HEPH: variants seen among roughly 807,000 people sequenced by gnomAD.
HEPH encodes the protein hephaestin.
Under a neutral mutation model 80.8 loss-of-function variants are expected in HEPH, and 69 were observed. The ratio of observed to expected loss-of-function variants is 0.85; its 90% CI spans 0.70 to 1.04. The LOEUF (loss-of-function observed/expected upper bound fraction) is 1.04, where lower values mean the gene tolerates loss of function less well. HEPH is among the 50% of genes least tolerant of loss of function. HEPH has a pLI of 0.00. For synonymous variants in HEPH, 431 were observed against 322.8 expected, an observed-to-expected ratio of 1.34 and a Z score of -3.60; for missense variants, 1,115 against 891.3, an observed-to-expected ratio of 1.25 and a Z score of -3.20.
intron 16 of HEPH, 116 bp from the exon 17 acceptor site, chrX:66,255,989 T>C (rs1191311391): frequency 1.7e-5 from 8 of 475,418 alleles, no homozygotes; most frequent in Non-Finnish European, 2.5e-5. Context: ...TAAGATATCA[T>C]GAGGAAATGC....
intron 13 of HEPH, 23 bp from the exon 14 acceptor site, chrX:66,207,172 T>C (rs2088831053): frequency 1.7e-6 from 2 of 1,196,659 alleles, no homozygotes; most frequent in Admixed American, 2.2e-5. Context: ...CAGGTGCTGA[T>C]AGTACTCTTT....
At chrX:66,263,795 T>C (rs886784398) in intron 20 of HEPH, 107 bp downstream of exon 20, 3 of 733,877 alleles carry the variant, frequency 4.1e-6, no homozygotes, top group Non-Finnish European at 6.1e-6. Flanking sequence ...AGAGTTAGAA[T>C]ACATCAGCAG....
intron 15 of HEPH, among the ~76,000 whole-genome samples, chrX:66,239,428 G>A (rs2090485111): frequency 8.9e-6 from 1 of 111,964 alleles, no homozygotes; most frequent in African/African-American, 3.2e-5. Context: ...TACCTCAGTG[G>A]CATCTGTTCC....
At chrX:66,246,182 T>G (rs1049608449) in intron 15 of HEPH, among the ~76,000 whole-genome samples, 1 of 112,001 alleles carries the variant, frequency 8.9e-6, no homozygotes, top group Non-Finnish European at 1.9e-5. Flanking sequence ...TCTGGGTGTT[T>G]CCTGGGAAAA....
intron 10 of HEPH, 34 bp downstream of exon 10, chrX:66,197,928 T>G: frequency 1.8e-6 from 2 of 1,128,367 alleles, no homozygotes; most frequent in Non-Finnish European, 2.4e-6. Flanking sequence ...GAAAGCCTGC[T>G]GGGAGAAGGA....
chrX:66,232,734 A>G (rs2090201285), intron 15 of HEPH, among the ~76,000 whole-genome samples: 1 of 111,528 alleles, frequency 9.0e-6, no homozygotes. Flanking sequence ...TTTAAAATAT[A>G]TAAAAAATAC....
intron 4 of HEPH, among the ~76,000 whole-genome samples, chrX:66,186,824 A>G (rs1388512601): frequency 9.0e-6 from 1 of 111,730 alleles, no homozygotes; most frequent in Non-Finnish European, 1.9e-5. Flanking sequence ...ATGTTTTCAA[A>G]ACTTTTAGAA....
In HEPH at chrX:66,223,731, A is replaced by AT. The variant is rs111854968; in HGVS notation, c.2563+15493dup. ...AAAACTTGCCAAAACCTTCAAAACA[A>AT]TTTTTTTTAACCTTTTAATGTAGGT... On this transcript the variant is annotated intron_variant, in intron 15 of 20. Transcript: ENST00000343002. 1.3e-4 allele frequency among the ~76,000 whole-genome samples: 15 copies of AT among 111,184 alleles called. No homozygotes were observed. The South Asian group carries it at 3.4e-3, about 25-fold the overall frequency.
intron 7 of HEPH, among the ~76,000 whole-genome samples, chrX:66,192,789 A>G (rs1268254693): frequency 9.0e-6 from 1 of 111,466 alleles, no homozygotes; most frequent in East Asian, 2.8e-4. Context: ...CATTCTTTTG[A>G]AGGAATTTCT....
intron 13 of HEPH, among the ~76,000 whole-genome samples, chrX:66,205,806 G>A (rs770171271): frequency 1.8e-5 from 2 of 110,384 alleles, no homozygotes; most frequent in Admixed American, 1.9e-4. Context: ...TTGCTGAATT[G>A]TTTCAGTTTT....
chrX:66,248,000 T>C (rs1302581888), intron 15 of HEPH, among the ~76,000 whole-genome samples: 1 of 111,752 alleles, frequency 8.9e-6, no homozygotes, highest in Non-Finnish European at 1.9e-5. Context: ...TTTTATCCAG[T>C]TACAAATAAT....
chrX:66,253,688 C>G (rs185078868), intron 15 of HEPH, among the ~76,000 whole-genome samples: 1 of 111,511 alleles, frequency 9.0e-6, no homozygotes, highest in Non-Finnish European at 1.9e-5. Flanking sequence ...TGGAAATGAC[C>G]CAAATGTTCA....
intron 4 of HEPH, among the ~76,000 whole-genome samples, chrX:66,175,926 G>A (rs1398311894): frequency 2.7e-5 from 3 of 111,265 alleles, no homozygotes; most frequent in African/African-American, 9.8e-5. Flanking sequence ...GGAGTCTTTA[G>A]GGTTTTCAAG....
intron 9 of HEPH, among the ~76,000 whole-genome samples, chrX:66,196,891 G>A (rs1158532560): frequency 9.6e-6 from 1 of 104,612 alleles, no homozygotes. Context: ...CTACATTTTG[G>A]TGTACTTTTT....
At chrX:66,166,304 C>T (rs1353319241) in intron 1 of HEPH, among the ~76,000 whole-genome samples, 1 of 111,531 alleles carries the variant, frequency 9.0e-6, no homozygotes, top group Admixed American at 9.5e-5. Context: ...AGCGATTCTC[C>T]TGCCTCAGCC....
intron 3 of HEPH, 28 bp from the exon 4 acceptor site, chrX:66,173,561 G>A (rs373546749): frequency 1.8e-6 from 2 of 1,096,998 alleles, no homozygotes; most frequent in African/African-American, 3.6e-5. Flanking sequence ...CTTATTCTGG[G>A]CCTGTGCATG....
chrX:66,188,132 T>G (rs1351609153), intron 4 of HEPH, among the ~76,000 whole-genome samples: 1 of 111,711 alleles, frequency 9.0e-6, no homozygotes, highest in Non-Finnish European at 1.9e-5. Flanking sequence ...AGGGAATTAT[T>G]GTAGATCCTA....
chrX:66,251,546 C>T (rs764364804), intron 15 of HEPH, among the ~76,000 whole-genome samples: 59 of 111,350 alleles, frequency 5.3e-4, no homozygotes, highest in African/African-American at 1.8e-3. Context: ...TTTAATTGGG[C>T]TGTTTTTATT....
intron 8 of HEPH, among the ~76,000 whole-genome samples, chrX:66,194,525 C>T (rs1412861804): frequency 8.9e-6 from 1 of 112,040 alleles, no homozygotes; most frequent in African/African-American, 3.2e-5. Context: ...AGCTAGATTA[C>T]ATGTGGTGGG....
Sources: gnomAD v4.1 joint callset for allele counts (sites outside exome capture counted in the v4.1 genomes callset) on GRCh38, gnomAD v4.1.1 for gene constraint, MANE v1.5 for transcripts, NCBI Gene and HGNC (gene_info 2026-07-23, HGNC 2026-07-21) for gene names.